Variants in PTPRJ observed in about 807,000 individuals in gnomAD.
PTPRJ encodes protein tyrosine phosphatase receptor type J, also known as receptor-type tyrosine-protein phosphatase eta.
A neutral mutation model predicts 141.3 loss-of-function variants in PTPRJ; 129 were observed. The ratio of observed to expected loss-of-function variants is 0.91; its 90% CI spans 0.79 to 1.06. The LOEUF is 1.06. Ranked by LOEUF, PTPRJ falls within the 50% of genes least tolerant of loss-of-function variation. PTPRJ has a pLI of 0.00. For missense variants in PTPRJ, 1,601 were observed against 1,679.7 expected (o/e 0.95, Z 0.82); for synonymous variants, 610 against 640.5 (o/e 0.95, Z 0.72).
chr11:48,141,191 A>G (rs1176098404), intron 11 of PTPRJ, among the ~76,000 whole-genome samples: 1 of 152,112 alleles, frequency 6.6e-6, no homozygotes, highest in African/African-American at 2.4e-5. Flanking sequence ...TTAAAAATAT[A>G]TAAAAAAAAT....
In PTPRJ at chr11:48,110,062, T is replaced by C. The variant is rs1318744535; in HGVS notation, c.101T>C (p.Leu34Pro). The C allele has an allele frequency of 6.2e-7, 1 of 1,614,116 alleles. No individual in the cohort carries two copies. The highest frequency in any genetic ancestry group is 8.5e-7 in the Non-Finnish European group (1 of 1,179,932). Reference protein sequence around the residue: ...LLLLLRLGQILCAGGTPSPIP... With the variant: ...LLLLLRLGQIPCAGGTPSPIP... ...CGTTTTCTTTTTCTGTTTCAGATCC[T>C]GTGCGCAGGTGGCAGTGAGTACCCT... Residue 34 changes from leucine (L) to proline (P), a missense_variant, in exon 2 of 25, where the codon CTG (leucine) becomes CCG (proline). Transcript: ENST00000418331.
chr11:48,122,248 A>G (rs1856724405), intron 4 of PTPRJ, among the ~76,000 whole-genome samples: 1 of 152,204 alleles, frequency 6.6e-6, no homozygotes, highest in Non-Finnish European at 1.5e-5. Context: ...AAAGGAGAGC[A>G]CAGAGAGATG....
In PTPRJ at chr11:48,084,348, T is replaced by C. The variant is rs1210420167; in HGVS notation, c.97-25710T>C. Among the ~76,000 whole-genome samples, 5 of 152,216 alleles carry C rather than the reference T, an allele frequency of 3.3e-5. No individual in the cohort carries two copies. In the East Asian group the frequency reaches 9.7e-4, roughly 29 times the overall value. The stretch of plus-strand genomic sequence containing the variant: ...TTGCCACCACGCCCACACACCCTAC[T>C]AATTTTTGTATTTTTAGCAGAGACG... On this transcript the variant is annotated intron_variant, in intron 1 of 24. Transcript: ENST00000418331.
At chr11:47,987,508 C>T (rs1293025618) in intron 1 of PTPRJ, among the ~76,000 whole-genome samples, 1 of 152,174 alleles carries the variant, frequency 6.6e-6, no homozygotes, top group African/African-American at 2.4e-5. Flanking sequence ...GGCCACTGGG[C>T]AAGACTCAGA....
chr11:48,103,466 C>G (rs1856204947), intron 1 of PTPRJ, among the ~76,000 whole-genome samples: 1 of 151,776 alleles, frequency 6.6e-6, no homozygotes, highest in Non-Finnish European at 1.5e-5. Context: ...CTCAAAAAAA[C>G]AAAAAACAAA....
intron 1 of PTPRJ, among the ~76,000 whole-genome samples, chr11:48,028,859 C>T (rs919063998): frequency 6.6e-6 from 1 of 152,218 alleles, no homozygotes; most frequent in African/African-American, 2.4e-5. Context: ...CTGATTCAGC[C>T]TGTAGCCCAC....
At chr11:48,146,834 A>G in intron 14 of PTPRJ, 42 bp from the exon 15 acceptor site, 1 of 1,553,048 alleles carries the variant, frequency 6.4e-7, no homozygotes, top group Non-Finnish European at 8.9e-7. Context: ...TGTGGTCTGC[A>G]TGAACACCTC....
rs943964688 is a variant in PTPRJ, at chr11:48,130,309, G to C, written c.1358-150G>C. The stretch of plus-strand genomic sequence containing the variant: ...TGGCCAGAAACAGCAGTTTCTGAGG[G>C]GCTCATGTTGTAGGTGATGATACAA... On this transcript the variant is annotated intron_variant, in intron 7 of 24. Transcript: ENST00000418331. The C allele has an allele frequency of 5.2e-6, 4 of 762,302 alleles. No homozygotes were observed. The African/African-American group carries it at 7.1e-5, about 14-fold the overall frequency. The allele number at this position is 762,302 out of a possible 1,614,324, so 47.2% of individuals were successfully genotyped here.
At chr11:48,048,867 G>A (rs1854477466) in intron 1 of PTPRJ, among the ~76,000 whole-genome samples, 1 of 152,126 alleles carries the variant, frequency 6.6e-6, no homozygotes. Context: ...CACTTTCACA[G>A]TCTTGGAAGG....
intron 1 of PTPRJ, among the ~76,000 whole-genome samples, chr11:48,007,170 T>C (rs1228036): frequency 1.3e-4 from 19 of 151,698 alleles, no homozygotes; most frequent in African/African-American, 4.6e-4. Context: ...GCGCAATCTC[T>C]GCTCACTGCA....
intron 18 of PTPRJ, among the ~76,000 whole-genome samples, chr11:48,152,961 C>T (rs6485810): frequency 0.98 from 149,584 of 152,288 alleles, 73,526 homozygotes; most frequent in Middle Eastern, 1. Flanking sequence ...GTATTGGGGG[C>T]GAGAAATCCA....
At chr11:48,043,296 A>T (rs1315363044) in intron 1 of PTPRJ, among the ~76,000 whole-genome samples, 1 of 152,198 alleles carries the variant, frequency 6.6e-6, no homozygotes, top group African/African-American at 2.4e-5. Context: ...AGCTCACTGC[A>T]GCTTCGAACA....
intron 8 of PTPRJ, among the ~76,000 whole-genome samples, chr11:48,135,072 A>G (rs566378592): frequency 1.3e-5 from 2 of 152,182 alleles, no homozygotes; most frequent in African/African-American, 2.4e-5. Context: ...TCCTCAGCAC[A>G]TAGCTTCATG....
intron 1 of PTPRJ, among the ~76,000 whole-genome samples, chr11:48,030,275 ACGGAGG>A (rs1269847193): frequency 6.6e-6 from 1 of 152,210 alleles, no homozygotes; most frequent in Non-Finnish European, 1.5e-5. Flanking sequence ...TAGTCAGTTA[ACGGAGG>A]CTTAAGTGAT....
At chr11:48,146,737 G>A in intron 14 of PTPRJ, 139 bp from the exon 15 acceptor site, 2 of 500,490 alleles carry the variant, frequency 4.0e-6, no homozygotes, top group South Asian at 5.1e-5. Context: ...GTGTGCGCCT[G>A]TGTGTGTGTG....
chr11:48,056,048 G>T (rs576659608), intron 1 of PTPRJ, among the ~76,000 whole-genome samples: 15 of 152,192 alleles, frequency 9.9e-5, no homozygotes, highest in Admixed American at 3.3e-4. Context: ...AGGTTGTGGT[G>T]CGTGTAGGAT....
intron 8 of PTPRJ, chr11:48,131,364 T>TG (rs1856980005): frequency 5.0e-6 from 3 of 594,414 alleles, no homozygotes; most frequent in African/African-American, 3.8e-5. Context: ...ATTACAGGTG[T>TG]GCGCCACTGC....
intron 1 of PTPRJ, among the ~76,000 whole-genome samples, chr11:47,995,853 C>G (rs891589415): frequency 6.6e-6 from 1 of 151,936 alleles, no homozygotes; most frequent in South Asian, 2.1e-4. Flanking sequence ...GCCTGACCAA[C>G]ATGGTGAAAC....
chr11:48,079,250 G>A (rs1296704478), intron 1 of PTPRJ, among the ~76,000 whole-genome samples: 1 of 152,092 alleles, frequency 6.6e-6, no homozygotes, highest in Admixed American at 6.5e-5. Context: ...GCTGCATGCG[G>A]GCCATGGGTT....
Sources: allele counts gnomAD v4.1 joint callset (sites outside exome capture counted in the v4.1 genomes callset), GRCh38; gene constraint gnomAD v4.1.1; transcripts MANE v1.5; gene names NCBI Gene and HGNC (gene_info 2026-07-23, HGNC 2026-07-21).